Variants in RPS6KA2 observed in about 807,000 individuals in gnomAD.
The protein encoded by RPS6KA2 is ribosomal protein S6 kinase A2, also known as ribosomal protein S6 kinase alpha-2.
RPS6KA2 carries 42 observed loss-of-function variants against 91.8 expected under a neutral mutation model. The ratio of observed to expected loss-of-function variants is 0.46; its 90% CI spans 0.36 to 0.59. The LOEUF is 0.59. RPS6KA2 is among the 20% of genes least tolerant of loss of function. The pLI is 0.00. For missense variants in RPS6KA2, 798 were observed against 978.5 expected, an observed-to-expected ratio of 0.82 and a Z score of 2.46; for synonymous variants, 414 against 393.6, an observed-to-expected ratio of 1.05 and a Z score of -0.61.
At chr6:166,550,235 A>G (rs945320255) in intron 1 of RPS6KA2, among the ~76,000 whole-genome samples, 1 of 152,248 alleles carries the variant, frequency 6.6e-6, no homozygotes, top group Non-Finnish European at 1.5e-5. Flanking sequence ...GACATTTAAA[A>G]TGATAAACTA....
intron 2 of RPS6KA2, among the ~76,000 whole-genome samples, chr6:166,748,374 C>T (rs1056982605): frequency 6.6e-6 from 1 of 152,140 alleles, no homozygotes; most frequent in Non-Finnish European, 1.5e-5. Flanking sequence ...CGGTGTCTTC[C>T]ACCGGCAGAA....
intron 2 of RPS6KA2, among the ~76,000 whole-genome samples, chr6:166,803,750 CTGGGAAG>C (rs998940399): frequency 2.6e-5 from 4 of 152,192 alleles, no homozygotes; most frequent in Non-Finnish European, 5.9e-5. Context: ...GAGCGAAAGA[CTGGGAAG>C]CACGAGATGT....
chr6:166,584,888 A>C (rs1268110898), intron 1 of RPS6KA2, among the ~76,000 whole-genome samples: 1 of 152,238 alleles, frequency 6.6e-6, no homozygotes, highest in Non-Finnish European at 1.5e-5. Flanking sequence ...CAGGGTTTAC[A>C]ATAACAACAT....
At chr6:166,592,868 A>T (rs1785403985) in intron 1 of RPS6KA2, among the ~76,000 whole-genome samples, 1 of 152,218 alleles carries the variant, frequency 6.6e-6, no homozygotes. Flanking sequence ...ATGAATCAAT[A>T]ACAAAAGGAT....
At chr6:166,727,319 A>AACAAACAC (rs1358467432) in intron 2 of RPS6KA2, among the ~76,000 whole-genome samples, 19 of 146,536 alleles carry the variant, frequency 1.3e-4, no homozygotes, top group African/African-American at 4.2e-4. Context: ...TAAACAAACA[A>AACAAACAC]ACACACACAC....
intron 2 of RPS6KA2, among the ~76,000 whole-genome samples, chr6:166,686,502 C>T (rs1396098238): frequency 1.3e-5 from 2 of 152,224 alleles, no homozygotes; most frequent in Non-Finnish European, 2.9e-5. Context: ...AGCACACATG[C>T]TCTGCACCCA....
chr6:166,529,262 T>C (rs1438091319), intron 3 of RPS6KA2, among the ~76,000 whole-genome samples: 3 of 152,240 alleles, frequency 2.0e-5, no homozygotes, highest in Non-Finnish European at 2.9e-5. Context: ...TGAGTTCATA[T>C]GGTTTGTAGG....
At chr6:166,859,848 T>C (rs1583186555) in intron 1 of RPS6KA2, among the ~76,000 whole-genome samples, 2 of 152,148 alleles carry the variant, frequency 1.3e-5, no homozygotes, top group African/African-American at 4.8e-5. Context: ...CCTGTCACAT[T>C]TGCATAACAG....
intron 8 of RPS6KA2, among the ~76,000 whole-genome samples, chr6:166,496,218 C>T (rs573655441): frequency 3.3e-5 from 5 of 151,770 alleles, no homozygotes; most frequent in Admixed American, 6.6e-5. Context: ...CTGGGTGTGG[C>T]GGGTGCCTGT....
intron 19 of RPS6KA2, among the ~76,000 whole-genome samples, chr6:166,416,673 C>T (rs1562479180): frequency 3.9e-5 from 4 of 101,304 alleles, no homozygotes; most frequent in African/African-American, 7.9e-5. Context: ...TCAGCTCCAT[C>T]CCTGCTCCCA....
rs201479269 is a variant in RPS6KA2, at chr6:166,664,618, C to G, written c.124-125834G>C. Among the ~76,000 whole-genome samples, 18 of 152,278 alleles carry G rather than the reference C, an allele frequency of 1.2e-4. No individual in the cohort carries two copies. The East Asian group carries it at 2.3e-3, about 20-fold the overall frequency. ...TAAGAATAGAGATTGCAAAGCTCAA[C>G]TTAAAAAATATTGAATGGTAACATA... On this transcript the variant is annotated intron_variant, in intron 2 of 21. Coordinates refer to the RPS6KA2 transcript ENST00000503859.
intron 2 of RPS6KA2, among the ~76,000 whole-genome samples, chr6:166,713,270 C>T (rs1583042280): frequency 1.3e-5 from 2 of 152,178 alleles, no homozygotes; most frequent in East Asian, 1.9e-4. Flanking sequence ...TGGCGCCAGG[C>T]CCATAGCCGG....
intron 1 of RPS6KA2, among the ~76,000 whole-genome samples, chr6:166,591,584 C>T (rs1437259195): frequency 6.6e-6 from 1 of 151,994 alleles, no homozygotes; most frequent in Non-Finnish European, 1.5e-5. Flanking sequence ...AGAAGGCGGC[C>T]CTGAGATGAT....
At chr6:166,599,500 T>C (rs9356493) in intron 1 of RPS6KA2, among the ~76,000 whole-genome samples, 17,142 of 152,198 alleles carry the variant, frequency 0.11, 1,066 homozygotes, top group East Asian at 0.31. Context: ...AAGGCAGTTC[T>C]GAGGGCACCC....
chr6:166,454,063 GGA>G, intron 12 of RPS6KA2, among the ~76,000 whole-genome samples: 1 of 152,144 alleles, frequency 6.6e-6, no homozygotes, highest in East Asian at 1.9e-4. Flanking sequence ...TGGAAGGGTG[GGA>G]GAAGGTGAGG....
chr6:166,475,536 A>G (rs1490352752), intron 10 of RPS6KA2, among the ~76,000 whole-genome samples: 1 of 152,094 alleles, frequency 6.6e-6, no homozygotes, highest in Non-Finnish European at 1.5e-5. Context: ...CTGAGACCCA[A>G]CCCAGGCGTC....
At position 166,563,320 on chromosome 6, in the gene RPS6KA2, C is replaced by T. The variant is rs549652067; in HGVS notation, c.100-24536G>A. 3.9e-5 allele frequency among the ~76,000 whole-genome samples: 6 copies of T among 152,190 alleles called. No individual in the cohort carries two copies. The highest frequency in any genetic ancestry group is 2.0e-4 in the Admixed American group (3 of 15,284). ...GCACTCGGAGGAGCGGGGGCCAACC[C>T]GGAATCAGCCTCTGTTCCTTCTTTT... is the stretch of plus-strand genomic sequence containing the variant. On this transcript the variant is annotated intron_variant, in intron 1 of 20. Transcript: ENST00000265678. The surrounding 1 kb of genome is among the most constrained non-coding windows in gnomAD (Gnocchi z 4.1).
intron 2 of RPS6KA2, among the ~76,000 whole-genome samples, chr6:166,532,629 A>G (rs1266325102): frequency 6.6e-6 from 1 of 152,078 alleles, no homozygotes; most frequent in African/African-American, 2.4e-5. Flanking sequence ...GATGACGCCC[A>G]TGGGAAAGCA....
intron 1 of RPS6KA2, among the ~76,000 whole-genome samples, chr6:166,604,264 C>T (rs1785856616): frequency 6.6e-6 from 1 of 152,040 alleles, no homozygotes; most frequent in South Asian, 2.1e-4. Flanking sequence ...TCAGAGTTTA[C>T]TTGAATGGGA....
Sources: gnomAD v4.1 joint callset for allele counts (sites outside exome capture counted in the v4.1 genomes callset) on GRCh38, gnomAD v4.1.1 for gene constraint, Gnocchi (gnomAD v3.1) non-coding constraint, MANE v1.5 for transcripts, NCBI Gene and HGNC (gene_info 2026-07-23, HGNC 2026-07-21) for gene names.